ABI3BP: variants seen among roughly 807,000 people sequenced by gnomAD.
The protein encoded by ABI3BP is ABI family member 3 binding protein, also known as target of Nesh-SH3.
In ABI3BP, 216 loss-of-function variants were observed where a neutral mutation model predicts 268.6. The ratio of observed to expected loss-of-function variants is 0.80; its 90% CI spans 0.72 to 0.90. The LOEUF is 0.90. Ranked by LOEUF, ABI3BP falls within the 40% of genes least tolerant of loss-of-function variation. ABI3BP has a pLI of 0.00. For synonymous variants in ABI3BP, 730 were observed against 730.0 expected, an observed-to-expected ratio of 1.00 and a Z score of 0.00; for missense variants, 2,090 against 2,182.4, an observed-to-expected ratio of 0.96 and a Z score of 0.84.
intron 14 of ABI3BP, among the ~76,000 whole-genome samples, chr3:100,852,787 T>A (rs1054108484): frequency 2.0e-5 from 3 of 152,212 alleles, no homozygotes; most frequent in African/African-American, 7.2e-5. Flanking sequence ...GAAAGTAGTA[T>A]GAGCTTAAAT....
Position 100,811,770 on chromosome 3 carries a change from T to C in ABI3BP, c.3451A>G (p.Thr1151Ala), listed in dbSNP as rs527415880. Reference protein sequence around the residue: ...APAKTDYVYPTAKAPLWPEEP... With the variant: ...APAKTDYVYPAAKAPLWPEEP... ...TCTGGCCAGAGTGGTGCTTTGGCAG[T>C]GGGATATACATAGTCTGTTTTGGCT... is the stretch of plus-strand genomic sequence containing the variant. Residue 1151 changes from threonine (T) to alanine (A), a missense_variant, in exon 47 of 68, where the codon ACT becomes GCT. Coordinates refer to ENST00000471714, the MANE Select transcript of ABI3BP (RefSeq NM_001375547.2). 7.2e-6 allele frequency: 11 copies of C among 1,535,524 alleles called. No homozygotes were observed. Among genetic ancestry groups the C allele is most frequent in the Non-Finnish European group, 9.6e-6 (11 of 1,146,498 alleles).
intron 1 of ABI3BP, among the ~76,000 whole-genome samples, chr3:100,977,334 C>T (rs1468414178): frequency 6.6e-6 from 1 of 152,156 alleles, no homozygotes; most frequent in Admixed American, 6.5e-5. Flanking sequence ...ATTCATCATC[C>T]ATACAGTTTC....
chr3:100,945,629 T>G (rs967907855), intron 1 of ABI3BP: 5 of 450,474 alleles, frequency 1.1e-5, no homozygotes, highest in Admixed American at 2.4e-5. Context: ...ATCATTTTTA[T>G]GAGACTCATC....
chr3:100,864,563 A>T, intron 11 of ABI3BP: 1 of 424,820 alleles, frequency 2.4e-6, no homozygotes, highest in Non-Finnish European at 4.2e-6. Context: ...CTGTCTGTAT[A>T]ACCCAGAGAC....
intron 2 of ABI3BP, among the ~76,000 whole-genome samples, chr3:100,905,307 T>C (rs1161793785): frequency 6.6e-6 from 1 of 152,116 alleles, no homozygotes; most frequent in African/African-American, 2.4e-5. Flanking sequence ...ATATACCTAA[T>C]GCTAAATGAC....
At chr3:100,783,204 A>G (rs2096920821) in intron 57 of ABI3BP, among the ~76,000 whole-genome samples, 1 of 152,162 alleles carries the variant, frequency 6.6e-6, no homozygotes, top group Non-Finnish European at 1.5e-5. Context: ...AAATCTCAGC[A>G]CCTGGTTAAA....
chr3:100,980,085 C>T (rs2088520424), intron 1 of ABI3BP, among the ~76,000 whole-genome samples: 1 of 152,104 alleles, frequency 6.6e-6, no homozygotes, highest in Non-Finnish European at 1.5e-5. Context: ...ACTTGTTTTG[C>T]TGAAAGACTG....
At chr3:100,978,351 TAGTAA>T (rs563034675) in intron 1 of ABI3BP, among the ~76,000 whole-genome samples, 66 of 152,352 alleles carry the variant, frequency 4.3e-4, no homozygotes, top group African/African-American at 1.4e-4. Flanking sequence ...TTCATTGACC[TAGTAA>T]AGTAAACTGT....
At chr3:100,981,807 C>T (rs1050689058) in intron 1 of ABI3BP, among the ~76,000 whole-genome samples, 1 of 152,020 alleles carries the variant, frequency 6.6e-6, no homozygotes, top group Non-Finnish European at 1.5e-5. Context: ...GTGTGGATGC[C>T]ACACCACAGG....
chr3:100,789,454 C>T lies in ABI3BP; in HGVS notation c.4087G>A (p.Val1363Ile). Residue 1363 changes from valine (V) to isoleucine (I), a missense_variant and splice_region_variant, in exon 56 of 68, where the codon GTT (valine) becomes ATT (isoleucine). Physicochemically the swap from Val to Ile is conservative, Grantham distance 29. Transcript: ENST00000471714. ...TTAAGTCATCAGAGAAACAACTTAC[C>T]AGGTCTGATGTGTGGCTTGTCAGAT... ...RTSDKPHIRP[V>I]LNRTTTRPTR... The T allele has an allele frequency of 6.3e-7, 1 of 1,598,890 alleles. No individual in the cohort carries two copies. Among genetic ancestry groups the T allele is most frequent in the Non-Finnish European group, 8.5e-7 (1 of 1,172,112 alleles).
chr3:100,871,198 T>C (rs1384847642), intron 9 of ABI3BP, among the ~76,000 whole-genome samples: 1 of 152,194 alleles, frequency 6.6e-6, no homozygotes, highest in Admixed American at 6.5e-5. Context: ...AAAGGGTAAC[T>C]ATGCAAGAGA....
intron 6 of ABI3BP, among the ~76,000 whole-genome samples, chr3:100,879,404 T>C (rs995319822): frequency 6.6e-6 from 1 of 152,244 alleles, no homozygotes; most frequent in South Asian, 2.1e-4. Context: ...TGTCACTTAG[T>C]GCACATTTTG....
In ABI3BP at chr3:100,749,509, T is replaced by G; in HGVS notation, c.*986A>C. 1 of 395,892 alleles carries G rather than the reference T, an allele frequency of 2.5e-6. No individual in the cohort carries two copies. The highest frequency in any genetic ancestry group is 4.4e-6 in the Non-Finnish European group (1 of 224,756). The allele number at this position is 395,892 out of a possible 1,614,324, so 24.5% of individuals were successfully genotyped here. A position where few individuals can be genotyped will look rare whatever the true frequency, so the allele number is the denominator to read the frequency against. On this transcript the variant is annotated 3_prime_UTR_variant, in exon 68 of 68. Transcript: ENST00000471714. ...TCCCCGCCTAAAGGACAATACCTTT[T>G]TAATAGAAATAAATGAGTTAGTTAG...
rs1376529738 is a variant in ABI3BP at position 100,808,183 on chromosome 3, T to C, written c.3660A>G (p.Pro1220=). Residue 1220 remains proline (P), a synonymous_variant, in exon 50 of 68, where the codon CCA becomes CCG. Transcript: ENST00000471714. ...TACCTGGTTGTGTTTGTGGGATTCTTGGGCGTGGTGATGTTTTTGGCTTAG... is the reference window on the plus strand; with the variant it reads ...TACCTGGTTGTGTTTGTGGGATTCTCGGGCGTGGTGATGTTTTTGGCTTAG... The part of the protein sequence containing the change: ...APPKPKTSPR[P]RIPQTQPVPK... 3 of 1,611,418 alleles carry C rather than the reference T, an allele frequency of 1.9e-6. No homozygotes were observed. The highest frequency in any genetic ancestry group is 2.5e-6 in the Non-Finnish European group (3 of 1,178,412).
intron 29 of ABI3BP, among the ~76,000 whole-genome samples, chr3:100,833,522 A>G (rs757565427): frequency 2.7e-4 from 41 of 152,302 alleles, no homozygotes; most frequent in Admixed American, 1.2e-3. Flanking sequence ...GCCCTAGTTC[A>G]TGATAGATGC....
At chr3:100,951,695 C>T (rs2713750) in intron 1 of ABI3BP, among the ~76,000 whole-genome samples, 85,935 of 151,628 alleles carry the variant, frequency 0.57, 25,216 homozygotes, top group East Asian at 0.89. Flanking sequence ...GCTCAAAACC[C>T]GCATAAAACA....
intron 2 of ABI3BP, among the ~76,000 whole-genome samples, chr3:100,910,652 G>A (rs1296507498): frequency 1.3e-5 from 2 of 151,978 alleles, no homozygotes; most frequent in South Asian, 2.1e-4. Flanking sequence ...TGGAATTACA[G>A]GTGTGAGCCA....
intron 1 of ABI3BP, among the ~76,000 whole-genome samples, chr3:100,990,584 G>T (rs1369325039): frequency 6.8e-6 from 1 of 148,064 alleles, no homozygotes; most frequent in Non-Finnish European, 1.5e-5. Context: ...ATATAATTTT[G>T]TATATATAAT....
intron 44 of ABI3BP, among the ~76,000 whole-genome samples, chr3:100,814,368 T>A (rs1405841903): frequency 1.3e-5 from 2 of 152,108 alleles, no homozygotes; most frequent in African/African-American, 4.8e-5. Flanking sequence ...TTTTGTTCTA[T>A]ATTTTAGTTT....
Sources: gnomAD v4.1 joint callset for allele counts (sites outside exome capture counted in the v4.1 genomes callset) on GRCh38, gnomAD v4.1.1 for gene constraint, MANE v1.5 for transcripts, NCBI Gene and HGNC (gene_info 2026-07-23, HGNC 2026-07-21) for gene names.